The following SAPCD1 variants were observed in gnomAD, a reference collection of about 807,000 sequenced individuals.
SAPCD1 encodes the protein suppressor APC domain containing 1, also known as suppressor APC domain-containing protein 1.
A neutral mutation model predicts 20.7 loss-of-function variants in SAPCD1; 16 were observed. That is an observed-to-expected ratio of 0.77 (90% CI 0.52 to 1.17). The LOEUF (loss-of-function observed/expected upper bound fraction) is 1.17. Among genes scored for constraint, SAPCD1 ranks in the 50% most tolerant of loss-of-function variants. SAPCD1 has a pLI of 0.00. For missense variants in SAPCD1, 173 were observed against 209.9 expected, an observed-to-expected ratio of 0.82 and a Z score of 1.09; for synonymous variants, 77 against 84.8, an observed-to-expected ratio of 0.91 and a Z score of 0.50.
chr6:31,763,472 C>G lies in SAPCD1; in HGVS notation c.172C>G (p.Leu58Val), dbSNP rs1457716229. The G allele has an allele frequency of 6.2e-7, 1 of 1,613,012 alleles. No individual in the cohort carries two copies. The highest frequency in any genetic ancestry group is 8.5e-7 in the Non-Finnish European group (1 of 1,179,994). The stretch of plus-strand genomic sequence containing the variant: ...GGATGCCCTGTGGCAGGGTCTGGAG[C>G]TGCTACAGCATGGCCAGGCCTGGTT... Residue 58 changes from leucine to valine, a missense_variant, in exon 2 of 5, where the codon CTG becomes GTG. Leu to Val is a conservative substitution (Grantham distance 32, BLOSUM62 1). Transcript: ENST00000415669. The surrounding 1 kb of genome is among the most constrained non-coding windows in gnomAD (Gnocchi z 4.9).
In SAPCD1 at chr6:31,764,524, G is replaced by C; in HGVS notation, c.530G>C (p.Arg177Pro). 6.2e-7 allele frequency: 1 copy of C among 1,611,438 alleles called. No homozygotes were observed. Among genetic ancestry groups the C allele is most frequent in the East Asian group, 2.2e-5 (1 of 44,882 alleles). ...ACCAAGGGGCCAAGAGGCCCTACCC[G>C]TGTCTAAACCCTCCTCTCACTCCCC... The change falls in exon 5 of 5, where the codon CGT becomes CCT. Residue 177 changes from arginine (R) to proline (P), a missense_variant. Arg to Pro is a moderately radical substitution (Grantham distance 103, BLOSUM62 -2). Coordinates refer to ENST00000415669, the Ensembl canonical transcript of SAPCD1. This position sits in a 1 kb window ranked among gnomAD's most constrained non-coding sequence, Gnocchi z 4.7.
In SAPCD1 at chr6:31,763,092, A is replaced by G. The variant is rs752785608; in HGVS notation, c.38A>G (p.Gln13Arg). 1.3e-6 allele frequency: 2 copies of G among 1,571,246 alleles called. No homozygotes were observed. The highest frequency in any genetic ancestry group is 1.9e-5 in the Admixed American group (1 of 52,440). Residue 13 changes from glutamine to arginine, a missense_variant, in exon 1 of 5, where the codon CAG (glutamine) becomes CGG (arginine). Coordinates refer to ENST00000415669, the Ensembl canonical transcript of SAPCD1. This position sits in a 1 kb window ranked among gnomAD's most constrained non-coding sequence, Gnocchi z 4.9. ...GGCTCTGGCGGGGTGCCCTTGGTGCAGGCTCCCTACACAGTCCTGCTGCTG... is the reference window on the plus strand; with the variant it reads ...GGCTCTGGCGGGGTGCCCTTGGTGCGGGCTCCCTACACAGTCCTGCTGCTG...
rs1320101350 is a variant in SAPCD1, at chr6:31,764,265, G to T, written c.352-1G>T. 6.2e-7 allele frequency: 1 copy of T among 1,613,826 alleles called. No individual in the cohort carries two copies. The highest frequency in any genetic ancestry group is 1.3e-5 in the African/African-American group (1 of 74,906). On this transcript the variant is annotated splice_acceptor_variant, in intron 3 of 4. Transcript: ENST00000415669. LOFTEE classifies it high-confidence loss of function. The surrounding 1 kb of genome is among the most constrained non-coding windows in gnomAD (Gnocchi z 4.7). Reference sequence around the variant, plus strand: ...GAAAACACAGCGAATTTCCCCTCCAGTTCTCCCCAAGTCCACTGAACAAGG... The same window carrying T: ...GAAAACACAGCGAATTTCCCCTCCATTTCTCCCCAAGTCCACTGAACAAGG...
chr6:31,764,252 A>T lies in SAPCD1; in HGVS notation c.352-14A>T. Reference sequence around the variant, plus strand: ...TGCTGGCTTAACAGAAAACACAGCGAATTTCCCCTCCAGTTCTCCCCAAGT... The same window carrying T: ...TGCTGGCTTAACAGAAAACACAGCGTATTTCCCCTCCAGTTCTCCCCAAGT... On this transcript the variant is annotated splice_polypyrimidine_tract_variant and intron_variant, in intron 3 of 4. Coordinates refer to ENST00000415669, the Ensembl canonical transcript of SAPCD1. This position sits in a 1 kb window ranked among gnomAD's most constrained non-coding sequence, Gnocchi z 4.7. The T allele has an allele frequency of 6.2e-7, 1 of 1,613,158 alleles. No homozygotes were observed. Among genetic ancestry groups the T allele is most frequent in the Non-Finnish European group, 8.5e-7 (1 of 1,179,094 alleles).
rs1215854880 is a variant in SAPCD1 at position 31,764,435 on chromosome 6, G to C, written c.442-1G>C. The C allele has an allele frequency of 1.1e-5, 17 of 1,613,928 alleles. No individual in the cohort carries two copies. Among genetic ancestry groups the C allele is most frequent in the Non-Finnish European group, 1.4e-5 (17 of 1,179,904 alleles). On this transcript the variant is annotated splice_acceptor_variant, in intron 4 of 4. Transcript: ENST00000415669. LOFTEE classifies it high-confidence loss of function. The surrounding 1 kb of genome is among the most constrained non-coding windows in gnomAD (Gnocchi z 4.7). ...AGAGGCCCCATCTGTTTCTCCTCCA[G>C]GAGTTGTCAAGGCAGCAGAAAGGAG...
In SAPCD1 at chr6:31,763,608, C is replaced by G; in HGVS notation, c.255+53C>G. ...GGGGGGAGGACCAGGGAGGGAGGAA[C>G]AGGGAATGTGTAGACACAGCCTGAG... On this transcript the variant is annotated intron_variant, in intron 2 of 4. Coordinates refer to ENST00000415669, the Ensembl canonical transcript of SAPCD1. This position sits in a 1 kb window ranked among gnomAD's most constrained non-coding sequence, Gnocchi z 4.9. The G allele has an allele frequency of 6.5e-7, 1 of 1,539,170 alleles. No homozygotes were observed. Among genetic ancestry groups the G allele is most frequent in the Non-Finnish European group, 8.8e-7 (1 of 1,135,232 alleles).
Position 31,763,150 on chromosome 6 carries a change from C to T in SAPCD1, c.96C>T (p.Ala32=), listed in dbSNP as rs573810445. ...GGACAAGCCGCCAAGACCCAGGGGC[C>T]CAGAGCTTCTTCCTTTGGGTGAGTA... The change falls in exon 1 of 5, where the codon GCC becomes GCT. Residue 32 remains alanine (A), a synonymous_variant. Coordinates refer to ENST00000415669, the Ensembl canonical transcript of SAPCD1. The surrounding 1 kb of genome is among the most constrained non-coding windows in gnomAD (Gnocchi z 4.9). The T allele has an allele frequency of 6.4e-7, 1 of 1,566,506 alleles. No individual in the cohort carries two copies. The highest frequency in any genetic ancestry group is 8.6e-7 in the Non-Finnish European group (1 of 1,160,600).
Position 31,763,777 on chromosome 6 carries a change from G to T in SAPCD1, c.255+222G>T. 1 of 609,386 alleles carries T rather than the reference G, an allele frequency of 1.6e-6. No homozygotes were observed. The highest frequency in any genetic ancestry group is 2.9e-6 in the Non-Finnish European group (1 of 345,248). The allele number at this position is 609,386 out of a possible 1,614,324, so 37.7% of individuals were successfully genotyped here. On this transcript the variant is annotated intron_variant, in intron 2 of 4. Transcript: ENST00000415669. This position sits in a 1 kb window ranked among gnomAD's most constrained non-coding sequence, Gnocchi z 4.9. Reference sequence around the variant, plus strand: ...TCTGCATTCCATTCAGAGGGATTTGGATCACTCCATGGAGATGAGGGTGTG... The same window carrying T: ...TCTGCATTCCATTCAGAGGGATTTGTATCACTCCATGGAGATGAGGGTGTG...
At chr6:31,762,758 G>A, upstream of SAPCD1, 1 of 553,468 alleles carries the variant, frequency 1.8e-6, no homozygotes, top group Non-Finnish European at 3.2e-6. Context: ...AACCTGCCCT[G>A]CCTCAGTAAA....
rs568299582 is a variant in SAPCD1, at chr6:31,763,715, T to TA, written c.255+162dup. On this transcript the variant is annotated intron_variant, in intron 2 of 4. Coordinates refer to ENST00000415669, the Ensembl canonical transcript of SAPCD1. The surrounding 1 kb of genome is among the most constrained non-coding windows in gnomAD (Gnocchi z 4.9). ...GTAATGACAGGATGCCACCAAGTGT[T>TA]AAGTTGGTGTTCATTGTTGGGGCTG... 7.1e-5 allele frequency: 49 copies of TA among 693,274 alleles called. No homozygotes were observed. Among genetic ancestry groups the TA allele is most frequent in the Non-Finnish European group, 1.1e-4 (48 of 418,624 alleles). 42.9% of individuals were successfully genotyped at this position (693,274 alleles called of 1,614,324 possible). A position where few individuals can be genotyped will look rare whatever the true frequency, so the allele number is the denominator to read the frequency against.
rs779944449 is a variant in SAPCD1, at chr6:31,764,509, C to G, written c.515C>G (p.Pro172Arg). The stretch of plus-strand genomic sequence containing the variant: ...GCTCAGCGGGGCTGCACCAAGGGGC[C>G]AAGAGGCCCTACCCGTGTCTAAACC... Residue 172 changes from proline (P) to arginine (R), a missense_variant, in exon 5 of 5, where the codon CCA becomes CGA. By Grantham distance (103) the Pro-to-Arg change is moderately radical. Transcript: ENST00000415669. This position sits in a 1 kb window ranked among gnomAD's most constrained non-coding sequence, Gnocchi z 4.7. The G allele has an allele frequency of 1.3e-5, 21 of 1,613,346 alleles. No homozygotes were observed. In the South Asian group the frequency reaches 1.9e-4, roughly 14 times the overall value.
upstream of SAPCD1, chr6:31,762,799 C>T (rs1019727831): frequency 9.2e-6 from 5 of 543,204 alleles, no homozygotes; most frequent in South Asian, 2.8e-5. Flanking sequence ...GGAAGACTCC[C>T]GGATTCTACC....
upstream of SAPCD1, chr6:31,762,661 GT>G: frequency 3.3e-6 from 2 of 610,478 alleles, no homozygotes. Context: ...TAGGAATAAA[GT>G]TTATTTTGAA....
In SAPCD1 at chr6:31,764,120, A is replaced by G. The variant is rs565079377; in HGVS notation, c.312A>G (p.Gln104=). ...GTCGCCCCCCGTTAGCCCAGATTCAAAAGGTGAACATCTGTTTGCAGAATC... is the reference window on the plus strand; with the variant it reads ...GTCGCCCCCCGTTAGCCCAGATTCAGAAGGTGAACATCTGTTTGCAGAATC... Residue 104 remains glutamine (Q), a synonymous_variant, in exon 3 of 5, where the codon CAA becomes CAG. Transcript: ENST00000415669. The surrounding 1 kb of genome is among the most constrained non-coding windows in gnomAD (Gnocchi z 4.7). 2 of 1,614,036 alleles carry G rather than the reference A, an allele frequency of 1.2e-6. No individual in the cohort carries two copies. The highest frequency in any genetic ancestry group is 1.7e-6 in the Non-Finnish European group (2 of 1,179,890).
chr6:31,764,706 T>C lies in SAPCD1; in HGVS notation c.*175T>C, dbSNP rs983220856. On this transcript the variant is annotated 3_prime_UTR_variant, in exon 5 of 5. Transcript: ENST00000415669. This position sits in a 1 kb window ranked among gnomAD's most constrained non-coding sequence, Gnocchi z 4.7. The stretch of plus-strand genomic sequence containing the variant: ...AAAACTTCATCTTCTTGGTGTCTCA[T>C]GTCCTCATTCTCCCCTATATGACAT... 1 of 596,120 alleles carries C rather than the reference T, an allele frequency of 1.7e-6. No homozygotes were observed. Among genetic ancestry groups the C allele is most frequent in the African/African-American group, 1.9e-5 (1 of 53,752 alleles). The allele number at this position is 596,120 out of a possible 1,614,324, so 36.9% of individuals were successfully genotyped here. A position where few individuals can be genotyped will look rare whatever the true frequency, so the allele number is the denominator to read the frequency against.
chr6:31,762,734 G>A, upstream of SAPCD1: 1 of 564,828 alleles, frequency 1.8e-6, no homozygotes, highest in Non-Finnish European at 3.1e-6. Flanking sequence ...ACACAGAGCA[G>A]GAGTCCACAG....
Position 31,764,065 on chromosome 6 carries a change from AT to A in SAPCD1, c.261del (p.Leu88Ter). The stretch of plus-strand genomic sequence containing the variant: ...GTCAGCCTCCAACTCCTCCTCTAGA[AT>A]TTTCTAACAGATTTACACTCAGAGC... On this transcript the variant is annotated frameshift_variant and splice_region_variant, in exon 3 of 5. Transcript: ENST00000415669. LOFTEE classifies it high-confidence loss of function. The surrounding 1 kb of genome is among the most constrained non-coding windows in gnomAD (Gnocchi z 4.7). 1 of 1,610,732 alleles carries A rather than the reference AT, an allele frequency of 6.2e-7. No homozygotes were observed. Among genetic ancestry groups the A allele is most frequent in the Non-Finnish European group, 8.5e-7 (1 of 1,177,002 alleles).
rs1581578060 is a variant in SAPCD1, at chr6:31,764,719, C to T, written c.*188C>T. On this transcript the variant is annotated 3_prime_UTR_variant, in exon 5 of 5. Coordinates refer to ENST00000415669, the Ensembl canonical transcript of SAPCD1. This position sits in a 1 kb window ranked among gnomAD's most constrained non-coding sequence, Gnocchi z 4.7. ...CTTGGTGTCTCATGTCCTCATTCTC[C>T]CCTATATGACATGCAAAAACGATCT... is the stretch of plus-strand genomic sequence containing the variant. The T allele has an allele frequency of 1.9e-6, 1 of 529,380 alleles. No individual in the cohort carries two copies. The highest frequency in any genetic ancestry group is 3.4e-6 in the Non-Finnish European group (1 of 297,910). The allele number at this position is 529,380 out of a possible 1,614,324, so 32.8% of individuals were successfully genotyped here.
chr6:31,764,465 C>T lies in SAPCD1; in HGVS notation c.471C>T (p.Thr157=). The T allele has an allele frequency of 1.9e-6, 3 of 1,614,160 alleles. No homozygotes were observed. Among genetic ancestry groups the T allele is most frequent in the Non-Finnish European group, 2.5e-6 (3 of 1,180,026 alleles). ...TGTCAAGGCAGCAGAAAGGAGTCAC[C>T]CAGCCAAAGGAGGAGATGGCTCAGC... Residue 157 remains threonine, a synonymous_variant, in exon 5 of 5, where the codon ACC becomes ACT. Transcript: ENST00000415669. This position sits in a 1 kb window ranked among gnomAD's most constrained non-coding sequence, Gnocchi z 4.7.
Sources: gnomAD v4.1 joint callset for allele counts on GRCh38, gnomAD v4.1.1 for gene constraint, Gnocchi (gnomAD v3.1) non-coding constraint, MANE v1.5 for transcripts, NCBI Gene and HGNC (gene_info 2026-07-23, HGNC 2026-07-21) for gene names.